Variants in ATP8B3 observed in about 807,000 individuals in gnomAD.
ATP8B3 encodes the protein ATPase phospholipid transporting 8B3.
Under a neutral mutation model 140.9 loss-of-function variants are expected in ATP8B3, and 141 were observed. That is an observed-to-expected ratio of 1.00 (90% CI 0.87 to 1.15). The LOEUF (loss-of-function observed/expected upper bound fraction) is 1.15. Among genes scored for constraint, ATP8B3 ranks in the 50% most tolerant of loss-of-function variants. The pLI, the probability that ATP8B3 is intolerant of heterozygous loss-of-function variation, is 0.00. For missense variants in ATP8B3, 1,874 were observed against 1,740.6 expected (o/e 1.08, Z -1.36); for synonymous variants, 765 against 714.6 (o/e 1.07, Z -1.13).
At chr19:1,793,037 G>GT (rs1456507210) in intron 18 of ATP8B3, among the ~76,000 whole-genome samples, 1 of 150,616 alleles carries the variant, frequency 6.6e-6, no homozygotes. Context: ...TTGGAGGACT[G>GT]TTTCCCTGCC....
chr19:1,794,027 C>T lies in ATP8B3; in HGVS notation c.2055+1848G>A, dbSNP rs920864942. The stretch of plus-strand genomic sequence containing the variant: ...CTGGGATTACAGGCGTGAGCCATCG[C>T]GCCAGCCTGTTTATTAAGAGACAGG... On this transcript the variant is annotated intron_variant, in intron 18 of 28. Transcript: ENST00000310127. This position sits in a 1 kb window ranked among gnomAD's most constrained non-coding sequence, Gnocchi z 4.8. 3.3e-5 allele frequency among the ~76,000 whole-genome samples: 5 copies of T among 150,324 alleles called. No homozygotes were observed. Among genetic ancestry groups the T allele is most frequent in the Non-Finnish European group, 7.4e-5 (5 of 67,676 alleles).
At chr19:1,810,862 G>A (rs2145213197) in intron 2 of ATP8B3, among the ~76,000 whole-genome samples, 179 bp from the exon 3 acceptor site, 2 of 152,190 alleles carry the variant, frequency 1.3e-5, no homozygotes, top group South Asian at 4.2e-4. Flanking sequence ...TCTTGCCTTG[G>A]ACATCCTGAG....
intron 4 of ATP8B3, 57 bp from the exon 5 acceptor site, chr19:1,808,392 G>T (rs915427841): frequency 7.9e-6 from 11 of 1,397,190 alleles, no homozygotes; most frequent in African/African-American, 1.4e-5. Context: ...CCAGGGGATG[G>T]GGGTGCCCGA....
intron 21 of ATP8B3, 34 bp downstream of exon 21, chr19:1,790,723 C>G (rs368690901): frequency 6.5e-7 from 1 of 1,547,938 alleles, no homozygotes. Flanking sequence ...CCTCCCCACT[C>G]CCCTTGCTCA....
intron 24 of ATP8B3, 71 bp downstream of exon 24, chr19:1,788,826 C>T: frequency 7.1e-7 from 1 of 1,412,600 alleles, no homozygotes; most frequent in East Asian, 2.5e-5. Context: ...AGGGCTGCTC[C>T]TGGCAGCTAT....
In ATP8B3 at chr19:1,794,169, A is replaced by G. The variant is rs1420607122; in HGVS notation, c.2055+1706T>C. ...CAGGCTCCCAAAGTGCTGGGACCAC[A>G]GGCACGCGCCACCATGTCTGATTTC... On this transcript the variant is annotated intron_variant, in intron 18 of 28. Transcript: ENST00000310127. This position sits in a 1 kb window ranked among gnomAD's most constrained non-coding sequence, Gnocchi z 4.8. Among the ~76,000 whole-genome samples, 2 of 152,208 alleles carry G rather than the reference A, an allele frequency of 1.3e-5. No individual in the cohort carries two copies. The highest frequency in any genetic ancestry group is 6.5e-5 in the Admixed American group (1 of 15,272).
intron 18 of ATP8B3, among the ~76,000 whole-genome samples, chr19:1,792,429 G>A (rs1373366209): frequency 6.6e-6 from 1 of 150,714 alleles, no homozygotes; most frequent in African/African-American, 2.4e-5. Context: ...AAAATACAAA[G>A]ATTAGCCAGG....
Position 1,790,088 on chromosome 19 carries a change from C to A in ATP8B3, c.2379-99G>T, listed in dbSNP as rs1268320512. The A allele has an allele frequency of 1.9e-5, 16 of 836,210 alleles. No homozygotes were observed. The African/African-American group carries it at 2.6e-4, about 14-fold the overall frequency. 51.8% of individuals were successfully genotyped at this position (836,210 alleles called of 1,614,324 possible). A position where few individuals can be genotyped will look rare whatever the true frequency, so the allele number is the denominator to read the frequency against. The stretch of plus-strand genomic sequence containing the variant: ...CCTCCCACCCCTTCCACTGCCCACT[C>A]CCCCACCCCTGCCCCTTCTCCTCCC... On this transcript the variant is annotated intron_variant, in intron 21 of 28. Coordinates refer to ENST00000310127, the MANE Select transcript of ATP8B3 (RefSeq NM_138813.4).
chr19:1,797,883 C>A (rs144949985), intron 14 of ATP8B3, among the ~76,000 whole-genome samples: 1,675 of 152,222 alleles, frequency 0.011, 47 homozygotes, highest in African/African-American at 0.038. Context: ...TAGCTCACTG[C>A]AGCCTCAACC....
chr19:1,811,990 G>C (rs1719127875), intron 1 of ATP8B3, 106 bp from the exon 2 acceptor site: 2 of 539,546 alleles, frequency 3.7e-6, no homozygotes, highest in Non-Finnish European at 3.3e-6. Context: ...CGCAGCCGCA[G>C]GGGCACAGGA....
chr19:1,805,355 C>T lies in ATP8B3; in HGVS notation c.904+19G>A, dbSNP rs1247858768. On this transcript the variant is annotated intron_variant, in intron 10 of 28. Coordinates refer to ENST00000310127, the MANE Select transcript of ATP8B3 (RefSeq NM_138813.4). The surrounding 1 kb of genome is among the most constrained non-coding windows in gnomAD (Gnocchi z 5.2). Reference sequence around the variant, plus strand: ...TTTACAGATTCGAGGGACGTGACTCCCTGCTCAACGCCTCTCACCTTGAAA... The same window carrying T: ...TTTACAGATTCGAGGGACGTGACTCTCTGCTCAACGCCTCTCACCTTGAAA... 1.9e-6 allele frequency: 3 copies of T among 1,548,822 alleles called. No individual in the cohort carries two copies. Among genetic ancestry groups the T allele is most frequent in the Middle Eastern group, 1.7e-4 (1 of 5,970 alleles).
chr19:1,784,678 G>C (rs1219776061), intron 28 of ATP8B3, 141 bp downstream of exon 28: 1 of 1,214,494 alleles, frequency 8.2e-7, no homozygotes, highest in Admixed American at 3.1e-5. Context: ...CCGGGGCTCC[G>C]CACCCACCCT....
Position 1,805,782 on chromosome 19 carries a change from C to T in ATP8B3, c.821+106G>A. The T allele has an allele frequency of 7.1e-7, 1 of 1,408,468 alleles. No individual in the cohort carries two copies. Among genetic ancestry groups the T allele is most frequent in the Non-Finnish European group, 9.8e-7 (1 of 1,017,276 alleles). 87.2% of individuals were successfully genotyped at this position (1,408,468 alleles called of 1,614,324 possible). ...CACTCATGGGGTGAGTGACCAAAGT[C>T]TCTGAGCGACCTTGGCTGGCCGCCT... On this transcript the variant is annotated intron_variant, in intron 9 of 28. Transcript: ENST00000310127. The surrounding 1 kb of genome is among the most constrained non-coding windows in gnomAD (Gnocchi z 5.2).
At chr19:1,796,051 C>T in intron 17 of ATP8B3, 26 bp downstream of exon 17, 1 of 1,611,962 alleles carries the variant, frequency 6.2e-7, no homozygotes, top group Non-Finnish European at 8.5e-7. Context: ...CCTTGGGGGG[C>T]CCAGGGCTTG....
chr19:1,785,672 G>C lies in ATP8B3; in HGVS notation c.3190C>G (p.Leu1064Val). ...TCGTCCTTCTGCCCCACCACGTACA[G>C]CTCCGGCTTCTCCAGGCTCTGCTCT... Reference protein sequence around the residue: ...SAEQSLEKPELYVVGQKDELF... With the variant: ...SAEQSLEKPEVYVVGQKDELF... Residue 1064 changes from leucine to valine, a missense_variant, in exon 26 of 29, where the codon CTG (leucine) becomes GTG (valine). Coordinates refer to ENST00000310127, the MANE Select transcript of ATP8B3 (RefSeq NM_138813.4). The C allele has an allele frequency of 6.2e-7, 1 of 1,603,454 alleles. No homozygotes were observed. Among genetic ancestry groups the C allele is most frequent in the Non-Finnish European group, 8.5e-7 (1 of 1,174,344 alleles).
Position 1,800,492 on chromosome 19 carries a change from C to A in ATP8B3, c.1153-43G>T. On this transcript the variant is annotated intron_variant, in intron 12 of 28. Coordinates refer to ENST00000310127, the MANE Select transcript of ATP8B3 (RefSeq NM_138813.4). This position sits in a 1 kb window ranked among gnomAD's most constrained non-coding sequence, Gnocchi z 4.4. ...CAGGGTGGGTGAGGGGGGCGGGGGTCCCCCACTCTGCCATCAGGATGGGGT... is the reference window on the plus strand; with the variant it reads ...CAGGGTGGGTGAGGGGGGCGGGGGTACCCCACTCTGCCATCAGGATGGGGT... The A allele has an allele frequency of 6.4e-7, 1 of 1,556,042 alleles. No homozygotes were observed.
At chr19:1,789,203 CT>C (rs1409144243) in intron 23 of ATP8B3, 83 bp from the exon 24 acceptor site, 12 of 815,868 alleles carry the variant, frequency 1.5e-5, no homozygotes, top group Non-Finnish European at 2.0e-5. Context: ...GTTCTGCCCC[CT>C]ATCAGCCCCC....
chr19:1,786,015 C>A (rs1487468005), intron 25 of ATP8B3, among the ~76,000 whole-genome samples: 1 of 152,166 alleles, frequency 6.6e-6, no homozygotes, highest in African/African-American at 2.4e-5. Flanking sequence ...CACCTGTAAT[C>A]CCATCTACTT....
rs1600426697 is a variant in ATP8B3 at position 1,794,712 on chromosome 19, G to A, written c.2055+1163C>T. Among the ~76,000 whole-genome samples, 6 of 152,294 alleles carry A rather than the reference G, an allele frequency of 3.9e-5. 1 individual carries two copies. Among genetic ancestry groups the A allele is most frequent in the Admixed American group, 3.9e-4 (6 of 15,296 alleles). On this transcript the variant is annotated intron_variant, in intron 18 of 28. Transcript: ENST00000310127. The surrounding 1 kb of genome is among the most constrained non-coding windows in gnomAD (Gnocchi z 4.8). ...ACCCTCCCAGCACAGGAAACAGCAT[G>A]TGCAAAGGTGCCAAGGCAGCACCTG...
Sources: allele counts gnomAD v4.1 joint callset (sites outside exome capture counted in the v4.1 genomes callset), GRCh38; gene constraint gnomAD v4.1.1; non-coding constraint Gnocchi (gnomAD v3.1); transcripts MANE v1.5; gene names NCBI Gene and HGNC (gene_info 2026-07-23, HGNC 2026-07-21).